L3MBTL4: variants seen among roughly 807,000 people sequenced by gnomAD.
L3MBTL4 encodes lethal(3)malignant brain tumor-like protein 4.
In L3MBTL4, 70 loss-of-function variants were observed where a neutral mutation model predicts 84.5. That is an observed-to-expected ratio of 0.83 (90% CI 0.68 to 1.01). The LOEUF is 1.01. Among genes scored for constraint, L3MBTL4 ranks in the 50% least tolerant of loss-of-function variants. The pLI is 0.00. For synonymous variants in L3MBTL4, 274 were observed against 259.8 expected (o/e 1.05, Z -0.52); for missense variants, 715 against 754.8 (o/e 0.95, Z 0.62).
chr18:6,166,630 C>T (rs1463315192), intron 13 of L3MBTL4, among the ~76,000 whole-genome samples: 4 of 152,108 alleles, frequency 2.6e-5, no homozygotes, highest in South Asian at 2.1e-4. Context: ...TTGAAACCAA[C>T]GAGAACAAAG....
At chr18:6,215,891 G>C (rs189217113) in intron 10 of L3MBTL4, 56 bp from the exon 11 acceptor site, 1 of 968,998 alleles carries the variant, frequency 1.0e-6, no homozygotes, top group East Asian at 2.6e-5. Context: ...TCTGATTCCC[G>C]TATACTACAA....
intron 4 of L3MBTL4, among the ~76,000 whole-genome samples, chr18:6,288,055 G>C (rs2049680832): frequency 6.6e-6 from 1 of 152,096 alleles, no homozygotes; most frequent in East Asian, 1.9e-4. Context: ...CAAAATAAAA[G>C]AGAAATCTTA....
At chr18:6,184,504 T>C (rs966412258) in intron 12 of L3MBTL4, among the ~76,000 whole-genome samples, 4 of 152,252 alleles carry the variant, frequency 2.6e-5, no homozygotes, top group African/African-American at 9.6e-5. Flanking sequence ...AGCTGATTTA[T>C]CCATTTCTTT....
At chr18:6,008,798 T>C (rs1388256749) in intron 16 of L3MBTL4, among the ~76,000 whole-genome samples, 2 of 152,242 alleles carry the variant, frequency 1.3e-5, no homozygotes, top group Non-Finnish European at 2.9e-5. Flanking sequence ...CTCTTTTCTT[T>C]TGCCAATGCC....
chr18:6,318,382 T>C (rs995131224), intron 1 of L3MBTL4, among the ~76,000 whole-genome samples: 2 of 150,430 alleles, frequency 1.3e-5, no homozygotes, highest in Admixed American at 6.7e-5. Context: ...TAAAGATTCA[T>C]ATAAATTCAA....
At chr18:6,079,935 C>T (rs2058014370) in intron 16 of L3MBTL4, 1 of 152,260 alleles carries the variant, frequency 6.6e-6, no homozygotes, top group Non-Finnish European at 1.5e-5. Context: ...CCTCTCTTTT[C>T]TGAGGAAAAG....
rs910224103 is a variant in L3MBTL4 at position 5,981,256 on chromosome 18, T to C, written c.1445-11694A>G. 7.2e-5 allele frequency among the ~76,000 whole-genome samples: 11 copies of C among 152,356 alleles called. No individual in the cohort carries two copies. In the East Asian group the frequency reaches 1.9e-3, roughly 27 times the overall value. The stretch of plus-strand genomic sequence containing the variant: ...AAATTAAGGCTAGTCTTCTTTGTTA[T>C]GCAAGTAAAAGAAGAAATGAGTATT... On this transcript the variant is annotated intron_variant, in intron 16 of 18. Coordinates refer to ENST00000317931, the MANE Select transcript of L3MBTL4 (RefSeq NM_001330559.2).
intron 12 of L3MBTL4, among the ~76,000 whole-genome samples, chr18:6,191,680 A>G (rs2045099908): frequency 6.6e-6 from 1 of 152,194 alleles, no homozygotes; most frequent in South Asian, 2.1e-4. Context: ...GACGAGCCCC[A>G]GTGCACACTG....
At chr18:6,391,752 A>AACT (rs139560897) in intron 1 of L3MBTL4, among the ~76,000 whole-genome samples, 3,971 of 150,106 alleles carry the variant, frequency 0.026, 87 homozygotes, top group Non-Finnish European at 0.04. Context: ...CAACAACAAC[A>AACT]ACTACTACTA....
At chr18:5,965,694 T>C (rs2052319590) in intron 17 of L3MBTL4, among the ~76,000 whole-genome samples, 1 of 152,158 alleles carries the variant, frequency 6.6e-6, no homozygotes, top group African/African-American at 2.4e-5. Flanking sequence ...AGCCCCCATT[T>C]TCAACCCATC....
intron 1 of L3MBTL4, among the ~76,000 whole-genome samples, chr18:6,319,199 T>G (rs2051276280): frequency 6.6e-6 from 1 of 151,976 alleles, no homozygotes; most frequent in African/African-American, 2.4e-5. Context: ...ACTGACAACC[T>G]AATGTCACAC....
chr18:5,988,359 T>A (rs1221274194), intron 16 of L3MBTL4, among the ~76,000 whole-genome samples: 1 of 152,192 alleles, frequency 6.6e-6, no homozygotes, highest in East Asian at 1.9e-4. Context: ...AATTCTACGA[T>A]TGTTGGAGGG....
chr18:6,199,963 G>T (rs1183777260), intron 12 of L3MBTL4, among the ~76,000 whole-genome samples: 1 of 152,212 alleles, frequency 6.6e-6, no homozygotes, highest in South Asian at 2.1e-4. Context: ...CTGTCAGGCA[G>T]GACAGGCAGG....
At chr18:6,399,586 A>G (rs1322297633) in intron 1 of L3MBTL4, 1 of 152,240 alleles carries the variant, frequency 6.6e-6, no homozygotes, top group African/African-American at 2.4e-5. Context: ...GATATAATTT[A>G]GCAAAGAATA....
intron 1 of L3MBTL4, among the ~76,000 whole-genome samples, chr18:6,317,442 C>T (rs982714512): frequency 2.0e-5 from 3 of 151,946 alleles, no homozygotes; most frequent in Non-Finnish European, 4.4e-5. Flanking sequence ...GAAAGACACA[C>T]TTAGGGAGTT....
intron 1 of L3MBTL4, among the ~76,000 whole-genome samples, chr18:6,317,016 A>T (rs2051140182): frequency 6.6e-6 from 1 of 152,056 alleles, no homozygotes; most frequent in Non-Finnish European, 1.5e-5. Flanking sequence ...AAATAAATAA[A>T]TAAATAAATA....
intron 4 of L3MBTL4, among the ~76,000 whole-genome samples, chr18:6,299,178 A>C (rs1473110355): frequency 6.6e-6 from 1 of 152,210 alleles, no homozygotes; most frequent in Non-Finnish European, 1.5e-5. Flanking sequence ...TTTTAGAATT[A>C]CTATGAAGAG....
chr18:6,259,752 T>C (rs1234064786), intron 5 of L3MBTL4: 1 of 152,154 alleles, frequency 6.6e-6, no homozygotes, highest in Non-Finnish European at 1.5e-5. Context: ...CTTTACTCTG[T>C]TGATGGTTTC....
intron 1 of L3MBTL4, among the ~76,000 whole-genome samples, chr18:6,338,915 CACCTCATAAGTAT>C (rs2052472768): frequency 6.6e-6 from 1 of 152,022 alleles, no homozygotes; most frequent in Non-Finnish European, 1.5e-5. Flanking sequence ...TTTAAAAGAA[CACCTCATAAGTAT>C]ATGAGGCAAT....
Sources: allele counts gnomAD v4.1 joint callset (sites outside exome capture counted in the v4.1 genomes callset), GRCh38; gene constraint gnomAD v4.1.1; transcripts MANE v1.5; gene names NCBI Gene and HGNC (gene_info 2026-07-23, HGNC 2026-07-21).